GMCL1: variants seen among roughly 807,000 people sequenced by gnomAD.
GMCL1 encodes germ cell-less protein-like 1.
In GMCL1, 54 loss-of-function variants were observed where a neutral mutation model predicts 75.5. The ratio of observed to expected loss-of-function variants is 0.71; its 90% confidence interval spans 0.57 to 0.90. The LOEUF (loss-of-function observed/expected upper bound fraction) is 0.90, where lower values mean the gene tolerates loss of function less well. GMCL1 is among the 40% of genes least tolerant of loss of function. The pLI, the probability that GMCL1 is intolerant of heterozygous loss-of-function variation, is 0.00. For missense variants in GMCL1, 537 were observed against 622.7 expected (o/e 0.86, Z 1.47); for synonymous variants, 210 against 209.6 (o/e 1.00, Z -0.02).
intron 1 of GMCL1, among the ~76,000 whole-genome samples, chr2:69,831,981 G>A (rs1279004531): frequency 2.0e-5 from 3 of 152,196 alleles, no homozygotes; most frequent in Admixed American, 6.5e-5. Flanking sequence ...AGCACTTTGG[G>A]AGGCTGAAGC....
intron 11 of GMCL1, among the ~76,000 whole-genome samples, chr2:69,865,278 C>G (rs1002197866): frequency 6.6e-6 from 1 of 152,218 alleles, no homozygotes; most frequent in Non-Finnish European, 1.5e-5. Flanking sequence ...GTTACATAGT[C>G]TTAAAAGTGA....
chr2:69,837,532 C>T lies in GMCL1; in HGVS notation c.261-15C>T. On this transcript the variant is annotated splice_polypyrimidine_tract_variant and intron_variant, in intron 1 of 13. Coordinates refer to ENST00000282570, the MANE Select transcript of GMCL1 (RefSeq NM_178439.5). ...GTTTTATATAAATATGTGACTTTTTCATTTCTTTTAACAGGAAAAAATTAA... is the reference window on the plus strand; with the variant it reads ...GTTTTATATAAATATGTGACTTTTTTATTTCTTTTAACAGGAAAAAATTAA... 6.7e-7 allele frequency: 1 copy of T among 1,484,062 alleles called. No individual in the cohort carries two copies. Among genetic ancestry groups the T allele is most frequent in the Non-Finnish European group, 9.1e-7 (1 of 1,100,384 alleles). 91.9% of individuals were successfully genotyped at this position (1,484,062 alleles called of 1,614,324 possible).
intron 13 of GMCL1, among the ~76,000 whole-genome samples, chr2:69,876,267 A>T (rs1016374642): frequency 1.3e-5 from 2 of 152,226 alleles, no homozygotes; most frequent in Non-Finnish European, 2.9e-5. Context: ...GAAGAGGAAA[A>T]TATTGATGGG....
intron 4 of GMCL1, among the ~76,000 whole-genome samples, chr2:69,841,908 C>T (rs947082576): frequency 1.1e-4 from 16 of 152,000 alleles, no homozygotes; most frequent in African/African-American, 3.6e-4. Context: ...AAACATGGCT[C>T]CCACATAAAC....
chr2:69,840,995 A>G lies in GMCL1; in HGVS notation c.535A>G (p.Ser179Gly). Residue 179 changes from serine to glycine, a missense_variant, in exon 4 of 14, where the codon AGT becomes GGT. By Grantham distance (56) the Ser-to-Gly change is moderately conservative (BLOSUM62 0). Transcript: ENST00000282570. Reference protein sequence around the residue: ...LYRDDVLIKPSRVVAILAAAC... With the variant: ...LYRDDVLIKPGRVVAILAAAC... Reference sequence around the variant, plus strand: ...TCGAGATGATGTCTTGATAAAGCCCAGTCGAGTTGTTGCCATTTTGGCAGC... The same window carrying G: ...TCGAGATGATGTCTTGATAAAGCCCGGTCGAGTTGTTGCCATTTTGGCAGC... The G allele has an allele frequency of 1.2e-6, 2 of 1,614,050 alleles. No individual in the cohort carries two copies. The highest frequency in any genetic ancestry group is 2.2e-5 in the South Asian group (2 of 91,062).
In GMCL1 at chr2:69,840,002, C is replaced by T. The variant is rs549371134; in HGVS notation, c.481+449C>T. 2.7e-4 allele frequency: 42 copies of T among 155,580 alleles called. No individual in the cohort carries two copies. In the South Asian group the frequency reaches 8.0e-3, roughly 30 times the overall value. 9.6% of individuals were successfully genotyped at this position (155,580 alleles called of 1,614,324 possible). On this transcript the variant is annotated intron_variant, in intron 3 of 13. Transcript: ENST00000282570. ...GAGTTAAGGGACTTATTTTGGATCT[C>T]AGAGCAGTTTAGTGAGCCTGTGTCA...
chr2:69,855,267 C>A (rs1258019099), intron 9 of GMCL1, among the ~76,000 whole-genome samples: 6 of 151,692 alleles, frequency 4.0e-5, no homozygotes, highest in African/African-American at 1.5e-4. Flanking sequence ...TTTAAAATGA[C>A]TTTTGAAGTA....
At chr2:69,847,128 G>A (rs1558541039) in intron 6 of GMCL1, among the ~76,000 whole-genome samples, 2 of 151,518 alleles carry the variant, frequency 1.3e-5, no homozygotes, top group African/African-American at 2.4e-5. Flanking sequence ...CACTATGCCT[G>A]GCCTTTTTTT....
chr2:69,866,118 G>A (rs1028134155), intron 11 of GMCL1, among the ~76,000 whole-genome samples: 6 of 152,054 alleles, frequency 3.9e-5, no homozygotes, highest in African/African-American at 1.5e-4. Flanking sequence ...GCGTAGTGGT[G>A]TATGCCTGTA....
chr2:69,858,011 C>T (rs934860940), intron 9 of GMCL1, among the ~76,000 whole-genome samples: 27 of 152,010 alleles, frequency 1.8e-4, no homozygotes, highest in African/African-American at 6.5e-4. Flanking sequence ...TTGTGTAAAA[C>T]TAGGGAAATA....
chr2:69,872,229 C>T (rs1180797144), intron 13 of GMCL1, among the ~76,000 whole-genome samples: 5 of 152,118 alleles, frequency 3.3e-5, no homozygotes, highest in Non-Finnish European at 5.9e-5. Flanking sequence ...GTCTCCATAG[C>T]TCCGAATATC....
intron 6 of GMCL1, among the ~76,000 whole-genome samples, chr2:69,847,035 A>G (rs956703977): frequency 7.0e-6 from 1 of 143,076 alleles, no homozygotes; most frequent in African/African-American, 2.6e-5. Flanking sequence ...ACGAGGTCTC[A>G]CCATGTTGTC....
intron 11 of GMCL1, among the ~76,000 whole-genome samples, chr2:69,865,405 T>A (rs935183103): frequency 6.6e-6 from 1 of 152,166 alleles, no homozygotes; most frequent in African/African-American, 2.4e-5. Context: ...CCCAGCACTT[T>A]GGAAGGCTGA....
chr2:69,840,903 T>G (rs761454021), intron 3 of GMCL1, 39 bp from the exon 4 acceptor site: 2 of 1,362,498 alleles, frequency 1.5e-6, no homozygotes, highest in African/African-American at 2.9e-5. Flanking sequence ...GTAATAGATA[T>G]AAATATTATT....
intron 11 of GMCL1, chr2:69,869,417 C>CAAAAAAAAAAAAAAAAAAAAAAAGAAAA (rs1675920610): frequency 1.6e-5 from 1 of 63,782 alleles, no homozygotes; most frequent in Admixed American, 2.2e-4. Context: ...GACTCTGTCT[C>CAAAAAAAAAAAAAAAAAAAAAAAGAAAA]AAAAAAAAAA....
chr2:69,873,389 G>A (rs958938691), intron 13 of GMCL1, among the ~76,000 whole-genome samples: 3 of 152,144 alleles, frequency 2.0e-5, no homozygotes, highest in African/African-American at 7.2e-5. Flanking sequence ...TAGAAAATAT[G>A]AGTCAGCTGA....
At chr2:69,834,074 C>T (rs1314283537) in intron 1 of GMCL1, among the ~76,000 whole-genome samples, 1 of 152,062 alleles carries the variant, frequency 6.6e-6, no homozygotes, top group Admixed American at 6.6e-5. Context: ...AAAGTCAGGC[C>T]CTGCTTTTGT....
At chr2:69,854,704 T>C (rs2103996308) in intron 8 of GMCL1, 119 bp from the exon 9 acceptor site, 1 of 758,566 alleles carries the variant, frequency 1.3e-6, no homozygotes, top group Non-Finnish European at 2.1e-6. Flanking sequence ...TTGAGAACTT[T>C]AAAACTAGCT....
At chr2:69,839,621 A>G (rs1674924820) in intron 3 of GMCL1, 68 bp downstream of exon 3, 6 of 1,039,730 alleles carry the variant, frequency 5.8e-6, no homozygotes, top group East Asian at 4.8e-5. Context: ...CTGGTAGAAG[A>G]TAAATAATTC....
Sources: allele counts gnomAD v4.1 joint callset (sites outside exome capture counted in the v4.1 genomes callset), GRCh38; gene constraint gnomAD v4.1.1; transcripts MANE v1.5; gene names NCBI Gene and HGNC (gene_info 2026-07-23, HGNC 2026-07-21).